The following KSR2 variants were observed in gnomAD, a reference collection of about 807,000 sequenced individuals.
KSR2 encodes the protein kinase suppressor of ras 2.
In KSR2, 25 loss-of-function variants were observed where a neutral mutation model predicts 107.8. The ratio of observed to expected loss-of-function variants is 0.23; its 90% confidence interval spans 0.17 to 0.32. The LOEUF (loss-of-function observed/expected upper bound fraction) is 0.32. KSR2 is among the 10% of genes least tolerant of loss of function. The pLI, the probability that KSR2 is intolerant of heterozygous loss-of-function variation, is 1.00. For synonymous variants in KSR2, 480 were observed against 507.0 expected, an observed-to-expected ratio of 0.95 and a Z score of 0.71; for missense variants, 887 against 1,268.9, an observed-to-expected ratio of 0.70 and a Z score of 4.57.
chr12:117,716,388 G>A (rs1442024277), intron 4 of KSR2, among the ~76,000 whole-genome samples: 1 of 152,126 alleles, frequency 6.6e-6, no homozygotes, highest in Non-Finnish European at 1.5e-5. Flanking sequence ...GTGGCTAGAG[G>A]GCACCTAAAA....
intron 5 of KSR2, among the ~76,000 whole-genome samples, chr12:117,582,568 T>C (rs1879735078): frequency 6.6e-6 from 1 of 152,224 alleles, no homozygotes; most frequent in Non-Finnish European, 1.5e-5. Flanking sequence ...GGGGATGCCT[T>C]AAATGAAGCC....
At chr12:117,645,018 T>C (rs1033058586) in intron 5 of KSR2, among the ~76,000 whole-genome samples, 1 of 152,182 alleles carries the variant, frequency 6.6e-6, no homozygotes, top group African/African-American at 2.4e-5. Flanking sequence ...ACCAATAACT[T>C]GGGCCACAGT....
chr12:117,596,742 A>G (rs747816320), intron 5 of KSR2, among the ~76,000 whole-genome samples: 1 of 152,174 alleles, frequency 6.6e-6, no homozygotes, highest in Admixed American at 6.5e-5. Context: ...ATGATTAACT[A>G]AGAAACAATA....
chr12:117,793,430 C>T (rs1890370205), intron 3 of KSR2, among the ~76,000 whole-genome samples: 1 of 150,976 alleles, frequency 6.6e-6, no homozygotes. Flanking sequence ...AATGCACACA[C>T]ACCAACATGC....
At chr12:117,575,064 T>C (rs1349688407) in intron 7 of KSR2, among the ~76,000 whole-genome samples, 2 of 152,148 alleles carry the variant, frequency 1.3e-5, no homozygotes, top group Admixed American at 6.5e-5. Context: ...GCAGCCCCCA[T>C]CCTGATCCTT....
intron 4 of KSR2, among the ~76,000 whole-genome samples, chr12:117,720,528 C>T (rs939463353): frequency 2.0e-5 from 3 of 152,154 alleles, no homozygotes; most frequent in African/African-American, 7.2e-5. Flanking sequence ...GATAAAAGTC[C>T]CAGCATCCTG....
chr12:117,497,104 C>T (rs1312786993), intron 14 of KSR2, among the ~76,000 whole-genome samples: 1 of 151,916 alleles, frequency 6.6e-6, no homozygotes, highest in Non-Finnish European at 1.5e-5. Flanking sequence ...TCTCAAACTC[C>T]TGACCTCAGG....
chr12:117,880,467 C>G (rs935823435), intron 1 of KSR2, among the ~76,000 whole-genome samples: 5 of 152,050 alleles, frequency 3.3e-5, no homozygotes, highest in South Asian at 2.1e-4. Flanking sequence ...CAAGCCCCCC[C>G]ACCAAAGAGA....
intron 3 of KSR2, among the ~76,000 whole-genome samples, chr12:117,807,926 T>C (rs1223420288): frequency 6.6e-6 from 1 of 152,230 alleles, no homozygotes; most frequent in Non-Finnish European, 1.5e-5. Flanking sequence ...AAGAGTGATG[T>C]CTCCTTCTTT....
chr12:117,476,868 C>A (rs1871816684), intron 16 of KSR2, among the ~76,000 whole-genome samples: 1 of 152,184 alleles, frequency 6.6e-6, no homozygotes, highest in Non-Finnish European at 1.5e-5. Flanking sequence ...AGTGTGGATT[C>A]TTGTTATTCA....
chr12:117,631,582 C>A (rs1882810251), intron 5 of KSR2, among the ~76,000 whole-genome samples: 1 of 152,044 alleles, frequency 6.6e-6, no homozygotes, highest in Non-Finnish European at 1.5e-5. Flanking sequence ...TATTTTTCTT[C>A]ATCAATATTC....
intron 5 of KSR2, among the ~76,000 whole-genome samples, chr12:117,647,086 A>C (rs1883680821): frequency 6.6e-6 from 1 of 152,178 alleles, no homozygotes; most frequent in Non-Finnish European, 1.5e-5. Context: ...GGCTCAAGGA[A>C]GAAAGTAACA....
At chr12:117,855,053 T>C (rs1022824916) in intron 3 of KSR2, among the ~76,000 whole-genome samples, 12 of 123,034 alleles carry the variant, frequency 9.8e-5, no homozygotes, top group African/African-American at 3.2e-4. Flanking sequence ...GCAAATTACT[T>C]CTGTTAAAAA....
intron 5 of KSR2, among the ~76,000 whole-genome samples, chr12:117,608,793 C>A (rs1881429026): frequency 6.6e-6 from 1 of 151,954 alleles, no homozygotes; most frequent in South Asian, 2.1e-4. Context: ...CTTGGGCCCA[C>A]ACTGAACAGC....
At chr12:117,520,639 C>T (rs561139215) in intron 14 of KSR2, among the ~76,000 whole-genome samples, 3 of 152,344 alleles carry the variant, frequency 2.0e-5, no homozygotes, top group East Asian at 3.9e-4. Context: ...ACTGTCGTTG[C>T]CTTTGCACTA....
chr12:117,468,228 T>C (rs1435591827), intron 19 of KSR2, among the ~76,000 whole-genome samples: 1 of 152,238 alleles, frequency 6.6e-6, no homozygotes, highest in Non-Finnish European at 1.5e-5. Context: ...ACCTGCTATG[T>C]TGAGAGGCAC....
At chr12:117,574,140 G>A (rs747123276) in intron 7 of KSR2, among the ~76,000 whole-genome samples, 3 of 152,096 alleles carry the variant, frequency 2.0e-5, no homozygotes, top group African/African-American at 2.4e-5. Context: ...CATTCTAGGA[G>A]TCTGCCCCAG....
At chr12:117,532,406 C>T (rs1325318352) in intron 10 of KSR2, among the ~76,000 whole-genome samples, 1 of 152,136 alleles carries the variant, frequency 6.6e-6, no homozygotes, top group Non-Finnish European at 1.5e-5. Flanking sequence ...GACCTTCTTG[C>T]TTCCCTCTGA....
At chr12:117,717,553 C>G (rs1213516755) in intron 4 of KSR2, among the ~76,000 whole-genome samples, 1 of 151,964 alleles carries the variant, frequency 6.6e-6, no homozygotes, top group Admixed American at 6.6e-5. Flanking sequence ...AAAGAGGGCC[C>G]TATATGATTT....
Sources: allele counts gnomAD v4.1 joint callset (sites outside exome capture counted in the v4.1 genomes callset), GRCh38; gene constraint gnomAD v4.1.1; transcripts MANE v1.5; gene names NCBI Gene and HGNC (gene_info 2026-07-23, HGNC 2026-07-21).